Variants in CLIP1 observed in about 807,000 individuals in gnomAD.
CLIP1 encodes CAP-Gly domain-containing linker protein 1.
In CLIP1, 66 loss-of-function variants were observed where a neutral mutation model predicts 161.6. The ratio of observed to expected loss-of-function variants is 0.41; its 90% CI spans 0.33 to 0.50. CLIP1 has a LOEUF of 0.50. Ranked by LOEUF, CLIP1 falls within the 20% of genes least tolerant of loss-of-function variation. The pLI is 0.27. For synonymous variants in CLIP1, 598 were observed against 626.2 expected (o/e 0.96, Z 0.67); for missense variants, 1,376 against 1,702.0 (o/e 0.81, Z 3.37).
chr12:122,309,655 A>G (rs2136505408), intron 20 of CLIP1, 107 bp downstream of exon 20: 1 of 1,326,568 alleles, frequency 7.5e-7, no homozygotes, highest in Non-Finnish European at 1.0e-6. Flanking sequence ...TCCATTTGGA[A>G]TGACCCCACC....
At chr12:122,308,166 T>C (rs1950942905) in intron 20 of CLIP1, among the ~76,000 whole-genome samples, 2 of 152,192 alleles carry the variant, frequency 1.3e-5, no homozygotes, top group Admixed American at 1.3e-4. Context: ...TGATGTCTCC[T>C]GAATCCCTTC....
chr12:122,378,852 G>A (rs1388826741), intron 2 of CLIP1, among the ~76,000 whole-genome samples: 1 of 151,880 alleles, frequency 6.6e-6, no homozygotes, highest in South Asian at 2.1e-4. Context: ...AGGGCCGGGT[G>A]CAGTGGCTCA....
In CLIP1 at chr12:122,355,298, G is replaced by A. The variant is rs780674849; in HGVS notation, c.1020C>T (p.Ser340=). The A allele has an allele frequency of 8.7e-6, 14 of 1,613,922 alleles. No homozygotes were observed. The East Asian group carries it at 2.9e-4, about 33-fold the overall frequency. The change falls in exon 6 of 26, where the codon TCC becomes TCT. Residue 340 remains serine, a synonymous_variant. Transcript: ENST00000620786. The surrounding 1 kb of genome is among the most constrained non-coding windows in gnomAD (Gnocchi z 4.1). ...PSRTGLLTET[S]SRYARKISGT... is the part of the protein sequence containing the mutation. ...CGGAGATCTTCCTGGCGTAACGGGA[G>A]GAGGTTTCAGTCAACTGTAAAGGAA...
Position 122,311,431 on chromosome 12 carries a change from T to TA in CLIP1, c.3474-1550_3474-1549insT, listed in dbSNP as rs201832428. Among the ~76,000 whole-genome samples, 2,605 of 147,358 alleles carry TA rather than the reference T, an allele frequency of 0.018. 37 individuals are homozygous for TA. The highest frequency in any genetic ancestry group is 0.028 in the Non-Finnish European group (1,872 of 67,460). On this transcript the variant is annotated intron_variant, in intron 19 of 25. Transcript: ENST00000620786. The surrounding 1 kb of genome is among the most constrained non-coding windows in gnomAD (Gnocchi z 4.3). ...AAAACAAAATTATTATTATTATTAT[T>TA]TTTTTTTTTTTGAGACAGAGTCTCG... is the stretch of plus-strand genomic sequence containing the variant.
At chr12:122,380,227 A>G (rs1033054639) in intron 2 of CLIP1, 141 bp downstream of exon 2, 6 of 518,070 alleles carry the variant, frequency 1.2e-5, no homozygotes, top group African/African-American at 9.9e-5. Context: ...TGGGTGACAG[A>G]GTTAGATTCC....
chr12:122,281,511 A>AC (rs1303584358), intron 21 of CLIP1, among the ~76,000 whole-genome samples: 2 of 149,182 alleles, frequency 1.3e-5, no homozygotes, highest in African/African-American at 2.5e-5. Flanking sequence ...ACACAGTGAG[A>AC]CCCCCGTCTC....
chr12:122,394,901 T>A (rs1448865071), intron 1 of CLIP1, among the ~76,000 whole-genome samples: 1 of 152,090 alleles, frequency 6.6e-6, no homozygotes, highest in Non-Finnish European at 1.5e-5. Flanking sequence ...ATATTAACCC[T>A]CAGAGACTAG....
intron 20 of CLIP1, among the ~76,000 whole-genome samples, chr12:122,303,906 G>A (rs1156324905): frequency 2.0e-5 from 3 of 152,176 alleles, no homozygotes; most frequent in African/African-American, 4.8e-5. Flanking sequence ...ATAGCCAACC[G>A]GGGATCAGAC....
At chr12:122,291,614 C>T (rs1355058899) in intron 20 of CLIP1, among the ~76,000 whole-genome samples, 1 of 152,114 alleles carries the variant, frequency 6.6e-6, no homozygotes, top group East Asian at 1.9e-4. Flanking sequence ...AAATCATGTA[C>T]TTTTTGGCAG....
At chr12:122,386,453 G>A in intron 1 of CLIP1, among the ~76,000 whole-genome samples, 1 of 152,126 alleles carries the variant, frequency 6.6e-6, no homozygotes, top group East Asian at 1.9e-4. Flanking sequence ...TGAGTCCGTG[G>A]AGCAGGTACA....
chr12:122,320,855 C>G (rs1449790743), intron 17 of CLIP1, among the ~76,000 whole-genome samples: 2 of 150,074 alleles, frequency 1.3e-5, no homozygotes, highest in East Asian at 2.0e-4. Context: ...AACTACAGGC[C>G]CACATCACCA....
chr12:122,327,772 AAC>A (rs1439609014), intron 17 of CLIP1, among the ~76,000 whole-genome samples, 173 bp downstream of exon 17: 1 of 151,970 alleles, frequency 6.6e-6, no homozygotes, highest in East Asian at 1.9e-4. Context: ...GCTGGCACAA[AAC>A]ACTTGAAGCC....
intron 1 of CLIP1, among the ~76,000 whole-genome samples, chr12:122,380,855 C>T (rs969108203): frequency 1.3e-5 from 2 of 151,840 alleles, no homozygotes; most frequent in Non-Finnish European, 2.9e-5. Flanking sequence ...GCCAGGAGTT[C>T]GAGACCAGCC....
intron 5 of CLIP1, 61 bp downstream of exon 5, chr12:122,360,898 C>A: frequency 7.2e-7 from 1 of 1,393,144 alleles, no homozygotes; most frequent in Non-Finnish European, 9.7e-7. Flanking sequence ...AGCAGGGGCA[C>A]TGACCACGGG....
intron 10 of CLIP1, chr12:122,342,313 A>T (rs1952545338): frequency 6.6e-6 from 1 of 152,234 alleles, no homozygotes. Flanking sequence ...TCCTGAAAGA[A>T]AACATTTCCT....
chr12:122,412,388 C>T (rs1212220955), intron 1 of CLIP1, among the ~76,000 whole-genome samples: 1 of 146,556 alleles, frequency 6.8e-6, no homozygotes, highest in East Asian at 2.3e-4. Flanking sequence ...GGCGTGGTGG[C>T]TCACCCCTGT....
chr12:122,381,762 A>G (rs1399282381), intron 1 of CLIP1, among the ~76,000 whole-genome samples: 2 of 152,228 alleles, frequency 1.3e-5, no homozygotes, highest in Non-Finnish European at 2.9e-5. Flanking sequence ...AGGTACATGC[A>G]GCCCACTCCA....
intron 17 of CLIP1, among the ~76,000 whole-genome samples, chr12:122,320,211 G>A (rs1421806285): frequency 1.3e-5 from 2 of 149,808 alleles, no homozygotes; most frequent in African/African-American, 5.0e-5. Flanking sequence ...AGGTTGCAGT[G>A]AGCTGAGATT....
chr12:122,272,678 C>T lies in CLIP1; in HGVS notation c.*197G>A. ...AACAAAATTCGAGGTGAAAACTCACCTACTAAATATTTATTATTCTAACTC... is the reference window on the plus strand; with the variant it reads ...AACAAAATTCGAGGTGAAAACTCACTTACTAAATATTTATTATTCTAACTC... On this transcript the variant is annotated 3_prime_UTR_variant, in exon 26 of 26. Coordinates refer to ENST00000620786, the MANE Select transcript of CLIP1 (RefSeq NM_001247997.2). The T allele has an allele frequency of 1.8e-6, 1 of 560,128 alleles. No individual in the cohort carries two copies. The highest frequency in any genetic ancestry group is 3.2e-6 in the Non-Finnish European group (1 of 314,038). 34.7% of individuals were successfully genotyped at this position (560,128 alleles called of 1,614,324 possible). A position where few individuals can be genotyped will look rare whatever the true frequency, so the allele number is the denominator to read the frequency against.
Sources: gnomAD v4.1 joint callset for allele counts (sites outside exome capture counted in the v4.1 genomes callset) on GRCh38, gnomAD v4.1.1 for gene constraint, Gnocchi (gnomAD v3.1) non-coding constraint, MANE v1.5 for transcripts, NCBI Gene and HGNC (gene_info 2026-07-23, HGNC 2026-07-21) for gene names.